Variants in ZNF782 observed in about 807,000 individuals in gnomAD.
ZNF782 encodes zinc finger protein 782.
Under a neutral mutation model 13.0 loss-of-function variants are expected in ZNF782, and 12 were observed. That is an observed-to-expected ratio of 0.92 (90% confidence interval 0.59 to 1.50). The LOEUF is 1.50. Among genes scored for constraint, ZNF782 ranks in the 40% most tolerant of loss-of-function variants. ZNF782 has a pLI of 0.00. For synonymous variants in ZNF782, 284 were observed against 283.0 expected, an observed-to-expected ratio of 1.00 and a Z score of -0.04; for missense variants, 770 against 822.9, an observed-to-expected ratio of 0.94 and a Z score of 0.79.
At chr9:96,887,380 C>A in the ZNF782 span, 3 of 152,066 alleles carry the variant, frequency 2.0e-5, no homozygotes, top group Admixed American at 2.0e-4. Context: ...AAGCAAATAA[C>A]AAAATGGCAG....
chr9:96,876,943 C>CAAAAAAAAAAAAAAAAAAAAAA (rs398011569), upstream of ZNF782, among the ~76,000 whole-genome samples: 9 of 42,820 alleles, frequency 2.1e-4, no homozygotes, highest in Non-Finnish European at 2.4e-4. Context: ...AACTCCGACT[C>CAAAAAAAAAAAAAAAAAAAAAA]AAAAAAAAAA....
chr9:96,826,497 T>C (rs1326436735), intron 5 of ZNF782, among the ~76,000 whole-genome samples: 2 of 152,194 alleles, frequency 1.3e-5, no homozygotes, highest in Non-Finnish European at 2.9e-5. Flanking sequence ...CATGTATACA[T>C]ATGTACTAAC....
chr9:96,874,519 C>A (rs531844331), intron 1 of ZNF782, among the ~76,000 whole-genome samples: 1 of 152,294 alleles, frequency 6.6e-6, no homozygotes, highest in South Asian at 2.1e-4. Flanking sequence ...GGCCTCCTGT[C>A]TCCCCTTGGT....
At chr9:96,839,668 C>G (rs77615289) in intron 4 of ZNF782, among the ~76,000 whole-genome samples, 5 of 152,066 alleles carry the variant, frequency 3.3e-5, no homozygotes, top group Non-Finnish European at 5.9e-5. Flanking sequence ...TCACCCCCCC[C>G]ACCTGCTAAA....
intron 3 of ZNF782, among the ~76,000 whole-genome samples, chr9:96,851,251 A>G (rs1308123182): frequency 1.3e-5 from 2 of 152,186 alleles, no homozygotes; most frequent in Non-Finnish European, 2.9e-5. Context: ...GACAAAAATT[A>G]TATTGAAAAA....
chr9:96,828,839 A>G (rs113866660), intron 4 of ZNF782, among the ~76,000 whole-genome samples: 4 of 152,188 alleles, frequency 2.6e-5, no homozygotes, highest in African/African-American at 9.7e-5. Context: ...AGCTAAATAA[A>G]TGCCAAGAGG....
chr9:96,932,254 T>C, the ZNF782 span: 1 of 1,613,954 alleles, frequency 6.2e-7, no homozygotes, highest in Non-Finnish European at 8.5e-7. Flanking sequence ...AAGGGGCTCA[T>C]GGAGAGGGCA....
At chr9:96,834,595 C>T (rs947430688) in intron 4 of ZNF782, among the ~76,000 whole-genome samples, 2 of 152,216 alleles carry the variant, frequency 1.3e-5, no homozygotes, top group South Asian at 4.1e-4. Flanking sequence ...TGCTCCCCTT[C>T]CACTTTCTGC....
At chr9:96,933,102 C>T in the ZNF782 span, among the ~76,000 whole-genome samples, 2 of 150,730 alleles carry the variant, frequency 1.3e-5, no homozygotes, top group Admixed American at 1.3e-4. Context: ...CTCAGGCTCC[C>T]GAGTAGCTGG....
At chr9:96,849,930 G>A (rs1938429538) in intron 3 of ZNF782, among the ~76,000 whole-genome samples, 1 of 152,076 alleles carries the variant, frequency 6.6e-6, no homozygotes, top group South Asian at 2.1e-4. Context: ...CTAATCATCA[G>A]GGAAATGCAA....
At chr9:96,916,161 G>C in the ZNF782 span, among the ~76,000 whole-genome samples, 1 of 151,932 alleles carries the variant, frequency 6.6e-6, no homozygotes, top group Non-Finnish European at 1.5e-5. Flanking sequence ...AAGGATAGGG[G>C]AACTGGCTAA....
chr9:96,868,069 AAAG>A lies in ZNF782; in HGVS notation c.-456-6469_-456-6467del, dbSNP rs1452765755. Among the ~76,000 whole-genome samples the A allele has an allele frequency of 2.6e-5, 4 of 152,364 alleles. No homozygotes were observed. The East Asian group carries it at 7.7e-4, about 29-fold the overall frequency. ...ATTCTAACCTCGATGTTTTCTTGCA[AAAG>A]AAGTGGAAATAAGTAGAGAGACTCT... On this transcript the variant is annotated intron_variant, in intron 1 of 5. Coordinates refer to the ZNF782 transcript ENST00000498811.
At chr9:96,878,605 G>A (rs973508955), upstream of ZNF782, among the ~76,000 whole-genome samples, 13 of 152,034 alleles carry the variant, frequency 8.6e-5, no homozygotes, top group African/African-American at 2.9e-4. Context: ...TCTCCTAATC[G>A]AGTTATCTGA....
chr9:96,878,146 T>G (rs746977159), upstream of ZNF782, among the ~76,000 whole-genome samples: 4 of 152,198 alleles, frequency 2.6e-5, no homozygotes, highest in Non-Finnish European at 5.9e-5. Context: ...CTTCCCGGGT[T>G]CAAGAGATTC....
chr9:96,859,037 G>T (rs150285869), upstream of ZNF782, among the ~76,000 whole-genome samples: 1 of 151,328 alleles, frequency 6.6e-6, no homozygotes, highest in Admixed American at 6.6e-5. Flanking sequence ...GCCCACCCAC[G>T]GAGGGAACAT....
At chr9:96,913,791 C>T in the ZNF782 span, among the ~76,000 whole-genome samples, 11 of 151,450 alleles carry the variant, frequency 7.3e-5, no homozygotes, top group South Asian at 6.3e-4. Context: ...TCCCAAAGTG[C>T]GGGGATTACA....
chr9:96,913,830 A>G, the ZNF782 span, among the ~76,000 whole-genome samples: 1 of 149,910 alleles, frequency 6.7e-6, no homozygotes, highest in Non-Finnish European at 1.5e-5. Flanking sequence ...ATTGGTTTAA[A>G]GCTCTATTTC....
At chr9:96,872,163 G>A (rs1851836639) in intron 1 of ZNF782, among the ~76,000 whole-genome samples, 2 of 152,126 alleles carry the variant, frequency 1.3e-5, no homozygotes, top group Admixed American at 1.3e-4. Context: ...ATTTTCAAAA[G>A]GTAAATGCTA....
chr9:96,825,529 T>G (rs1224765354), intron 5 of ZNF782, among the ~76,000 whole-genome samples: 1 of 150,894 alleles, frequency 6.6e-6, no homozygotes, highest in East Asian at 1.9e-4. Flanking sequence ...CCAAAAGCAA[T>G]GGCAACAAAA....
Sources: gnomAD v4.1 joint callset for allele counts (sites outside exome capture counted in the v4.1 genomes callset) on GRCh38, gnomAD v4.1.1 for gene constraint, MANE v1.5 for transcripts, NCBI Gene and HGNC (gene_info 2026-07-23, HGNC 2026-07-21) for gene names.